Variants in SYNPR observed in about 807,000 individuals in gnomAD.
SYNPR encodes the protein synaptoporin.
Under a neutral mutation model 32.9 loss-of-function variants are expected in SYNPR, and 23 were observed. The ratio of observed to expected loss-of-function variants is 0.70; its 90% CI spans 0.50 to 0.99. The LOEUF is 0.99. SYNPR is among the 50% of genes least tolerant of loss of function. The probability of loss-of-function intolerance (pLI) is 0.00; values close to 1 mark genes in which losing one functional copy is unlikely to be tolerated. For synonymous variants in SYNPR, 146 were observed against 135.9 expected (o/e 1.07, Z -0.52); for missense variants, 318 against 349.3 (o/e 0.91, Z 0.71).
intron 1 of SYNPR, among the ~76,000 whole-genome samples, chr3:63,239,042 G>A (rs190932897): frequency 3.3e-4 from 50 of 152,080 alleles, no homozygotes; most frequent in Non-Finnish European, 4.4e-4. Flanking sequence ...ATGAAATGAC[G>A]CAAACTTCAT....
chr3:63,329,034 A>G (rs375851518), intron 2 of SYNPR, among the ~76,000 whole-genome samples: 235 of 152,318 alleles, frequency 1.5e-3, no homozygotes, highest in Middle Eastern at 0.01. Context: ...AAATAGGAGC[A>G]GTCTCCTAGT....
intron 2 of SYNPR, among the ~76,000 whole-genome samples, chr3:63,285,875 GGTACCTTGCTTA>G (rs2086675428): frequency 6.6e-6 from 1 of 152,066 alleles, no homozygotes; most frequent in African/African-American, 2.4e-5. Context: ...ATCCAAGTAA[GGTACCTTGCTTA>G]GTACCTACAC....
chr3:63,339,937 G>A (rs114355947), intron 2 of SYNPR, among the ~76,000 whole-genome samples: 1,644 of 152,280 alleles, frequency 0.011, 34 homozygotes, highest in African/African-American at 0.037. Flanking sequence ...AATTAGAGGC[G>A]TGAGCCACCA....
chr3:63,510,681 C>G (rs1176290432), intron 3 of SYNPR, among the ~76,000 whole-genome samples: 2 of 152,148 alleles, frequency 1.3e-5, no homozygotes, highest in Admixed American at 1.3e-4. Context: ...TTGATTACCT[C>G]TCTCTCAAGG....
At chr3:63,613,032 G>T (rs961544086) in intron 5 of SYNPR, among the ~76,000 whole-genome samples, 1 of 151,062 alleles carries the variant, frequency 6.6e-6, no homozygotes, top group Non-Finnish European at 1.5e-5. Context: ...AGGTGCAGTG[G>T]TGCAATCATA....
intron 2 of SYNPR, among the ~76,000 whole-genome samples, chr3:63,430,510 C>T (rs886798518): frequency 3.3e-5 from 5 of 152,054 alleles, no homozygotes; most frequent in African/African-American, 9.7e-5. Context: ...TGTGGAAGTA[C>T]GTAAGATGGA....
chr3:63,357,168 C>G (rs984669139), intron 2 of SYNPR, among the ~76,000 whole-genome samples: 16 of 152,092 alleles, frequency 1.1e-4, no homozygotes, highest in Non-Finnish European at 1.2e-4. Flanking sequence ...GTCCTGGGGC[C>G]CATTTGCTAT....
At chr3:63,383,684 C>T (rs1029350152) in intron 2 of SYNPR, among the ~76,000 whole-genome samples, 3 of 152,118 alleles carry the variant, frequency 2.0e-5, no homozygotes, top group African/African-American at 4.8e-5. Flanking sequence ...AGGAGCTACA[C>T]TAATGGAACT....
intron 2 of SYNPR, among the ~76,000 whole-genome samples, chr3:63,479,788 A>T (rs1470256730): frequency 6.6e-6 from 1 of 152,184 alleles, no homozygotes; most frequent in Non-Finnish European, 1.5e-5. Flanking sequence ...GGAAATCAAG[A>T]CATGAGGAAA....
intron 3 of SYNPR, among the ~76,000 whole-genome samples, chr3:63,482,731 T>C (rs1701071750): frequency 6.6e-6 from 1 of 152,316 alleles, no homozygotes; most frequent in South Asian, 2.1e-4. Context: ...CTAGGAGATA[T>C]ACACACCATT....
At chr3:63,293,899 G>T (rs2106933619) in intron 2 of SYNPR, among the ~76,000 whole-genome samples, 1 of 152,060 alleles carries the variant, frequency 6.6e-6, no homozygotes, top group East Asian at 1.9e-4. Flanking sequence ...TATCTGCAGT[G>T]TCCCTCTTTC....
At chr3:63,345,963 C>G (rs1050193170) in intron 2 of SYNPR, among the ~76,000 whole-genome samples, 1 of 151,956 alleles carries the variant, frequency 6.6e-6, no homozygotes, top group Non-Finnish European at 1.5e-5. Context: ...TACAGGCATG[C>G]GCCACCATGT....
chr3:63,326,047 C>A (rs971976408), intron 2 of SYNPR, among the ~76,000 whole-genome samples: 2 of 151,770 alleles, frequency 1.3e-5, no homozygotes, highest in Non-Finnish European at 2.9e-5. Flanking sequence ...CAAATGGTGA[C>A]CCCATGTTTC....
At chr3:63,349,793 C>T (rs2087481946) in intron 2 of SYNPR, among the ~76,000 whole-genome samples, 1 of 152,166 alleles carries the variant, frequency 6.6e-6, no homozygotes, top group African/African-American at 2.4e-5. Context: ...GTGGCGAAAG[C>T]GTAGAAGGTA....
intron 1 of SYNPR, among the ~76,000 whole-genome samples, chr3:63,239,360 C>A (rs1025448779): frequency 1.1e-4 from 17 of 151,448 alleles, no homozygotes; most frequent in Non-Finnish European, 2.5e-4. Flanking sequence ...ACCATTGTCA[C>A]CCATCCTATC....
chr3:63,421,612 T>C (rs1021859942), intron 2 of SYNPR, among the ~76,000 whole-genome samples: 2 of 152,224 alleles, frequency 1.3e-5, no homozygotes, highest in East Asian at 3.8e-4. Flanking sequence ...GCATATTAAA[T>C]TACCTTGAGC....
chr3:63,242,895 G>A (rs1422437227), intron 1 of SYNPR, among the ~76,000 whole-genome samples: 1 of 151,964 alleles, frequency 6.6e-6, no homozygotes, highest in Admixed American at 6.6e-5. Flanking sequence ...AAATGGGAAA[G>A]AATGAAATGG....
chr3:63,350,320 G>A (rs764367342), intron 2 of SYNPR, among the ~76,000 whole-genome samples: 3 of 152,042 alleles, frequency 2.0e-5, no homozygotes, highest in Non-Finnish European at 4.4e-5. Context: ...GACTCATAGA[G>A]ACCCAGGCAG....
At chr3:63,282,220 T>G (rs2086636878) in intron 2 of SYNPR, among the ~76,000 whole-genome samples, 1 of 152,206 alleles carries the variant, frequency 6.6e-6, no homozygotes. Flanking sequence ...CATCATCTTG[T>G]AAGTTAAGTG....
Sources: gnomAD v4.1 joint callset for allele counts (sites outside exome capture counted in the v4.1 genomes callset) on GRCh38, gnomAD v4.1.1 for gene constraint, MANE v1.5 for transcripts, NCBI Gene and HGNC (gene_info 2026-07-23, HGNC 2026-07-21) for gene names.